DCTN5: variants seen among roughly 807,000 people sequenced by gnomAD.
DCTN5 encodes the protein dynactin subunit 5, also known as dynactin 4.
Under a neutral mutation model 23.5 loss-of-function variants are expected in DCTN5, and 14 were observed. The observed-to-expected ratio is 0.60, with a 90% confidence interval of 0.39 to 0.93. The LOEUF is 0.93. Ranked by LOEUF, DCTN5 falls within the 40% of genes least tolerant of loss-of-function variation. The probability of loss-of-function intolerance (pLI) is 0.00; values close to 1 mark genes in which losing one functional copy is unlikely to be tolerated. For synonymous variants in DCTN5, 67 were observed against 79.6 expected (o/e 0.84, Z 0.84); for missense variants, 156 against 225.9 (o/e 0.69, Z 1.98).
intron 2 of DCTN5, among the ~76,000 whole-genome samples, chr16:23,655,543 A>ATTTTTTTTTTTTTTTTTT (rs763639132): frequency 7.1e-6 from 1 of 141,696 alleles, no homozygotes. Flanking sequence ...GCCCTGCTTA[A>ATTTTTTTTTTTTTTTTTT]TTTTTTTTTT....
intron 3 of DCTN5, among the ~76,000 whole-genome samples, 180 bp from the exon 4 acceptor site, chr16:23,660,990 C>T (rs1967798994): frequency 6.6e-6 from 1 of 152,038 alleles, no homozygotes; most frequent in African/African-American, 2.4e-5. Flanking sequence ...CAATTTTGAA[C>T]TAGTAATCAT....
chr16:23,648,747 A>G (rs750731185), intron 2 of DCTN5, among the ~76,000 whole-genome samples: 6 of 151,994 alleles, frequency 3.9e-5, no homozygotes, highest in Non-Finnish European at 8.8e-5. Flanking sequence ...CCTTTTCTCC[A>G]AATCCTCACT....
intron 2 of DCTN5, 123 bp downstream of exon 2, chr16:23,643,146 G>T: frequency 2.5e-5 from 19 of 764,392 alleles, no homozygotes; most frequent in South Asian, 1.1e-4. Context: ...TAATTCTCTT[G>T]TTTTTAAATT....
intron 4 of DCTN5, among the ~76,000 whole-genome samples, chr16:23,663,439 C>T (rs781194421): frequency 1.6e-4 from 24 of 152,140 alleles, no homozygotes; most frequent in Non-Finnish European, 2.4e-4. Flanking sequence ...TCAGGCCAGG[C>T]GCAGTGGCTC....
Position 23,668,875 on chromosome 16 carries a change from C to T in DCTN5, c.*1731C>T, listed in dbSNP as rs1177312700. Reference sequence around the variant, plus strand: ...CAATGGTTTGTTGTGAGTTCCATGTCCTCTTGGATCAGTCACTGTGGCCAT... The same window carrying T: ...CAATGGTTTGTTGTGAGTTCCATGTTCTCTTGGATCAGTCACTGTGGCCAT... On this transcript the variant is annotated 3_prime_UTR_variant, in exon 6 of 6. Coordinates refer to ENST00000300087, the MANE Select transcript of DCTN5 (RefSeq NM_032486.4). 1.3e-5 allele frequency: 2 copies of T among 152,354 alleles called. No homozygotes were observed. The highest frequency in any genetic ancestry group is 2.9e-5 in the Non-Finnish European group (2 of 68,050). 9.4% of individuals were successfully genotyped at this position (152,354 alleles called of 1,614,324 possible). A position where few individuals can be genotyped will look rare whatever the true frequency, so the allele number is the denominator to read the frequency against.
chr16:23,655,878 A>G (rs1015795147), intron 2 of DCTN5, among the ~76,000 whole-genome samples: 2 of 152,138 alleles, frequency 1.3e-5, no homozygotes, highest in African/African-American at 4.8e-5. Flanking sequence ...CAAATGTCAT[A>G]TTATTTCACC....
At chr16:23,649,217 C>A (rs1967544920) in intron 2 of DCTN5, among the ~76,000 whole-genome samples, 1 of 152,084 alleles carries the variant, frequency 6.6e-6, no homozygotes, top group Non-Finnish European at 1.5e-5. Flanking sequence ...ATTAGTATGT[C>A]TTTTGAGAAA....
rs1967975348 is a variant in DCTN5, at chr16:23,669,837, C to T, written c.*2693C>T. The T allele has an allele frequency of 6.6e-6, 1 of 152,156 alleles. No individual in the cohort carries two copies. Among genetic ancestry groups the T allele is most frequent in the Admixed American group, 6.5e-5 (1 of 15,276 alleles). The allele number at this position is 152,156 out of a possible 1,614,324, so 9.4% of individuals were successfully genotyped here. ...ATATTGCCTAGCCAAAGTGGGTGTT[C>T]AATAAAGAACCATTTGGAGATGGTC... is the stretch of plus-strand genomic sequence containing the variant. On this transcript the variant is annotated 3_prime_UTR_variant, in exon 6 of 6. Coordinates refer to ENST00000300087, the MANE Select transcript of DCTN5 (RefSeq NM_032486.4).
chr16:23,657,757 A>G (rs2140982544), intron 2 of DCTN5, among the ~76,000 whole-genome samples: 1 of 152,308 alleles, frequency 6.6e-6, no homozygotes, highest in African/African-American at 2.4e-5. Flanking sequence ...AAATTTTTTA[A>G]TGAAATAAAA....
Position 23,642,972 on chromosome 16 carries a change from C to T in DCTN5, c.66C>T (p.Val22=). The change falls in exon 2 of 6, where the codon GTC becomes GTT. Residue 22 remains valine, a synonymous_variant. Coordinates refer to ENST00000300087, the MANE Select transcript of DCTN5 (RefSeq NM_032486.4). Reference sequence around the variant, plus strand: ...TCTTTTAGGCATCTGGGAACAAAGTCAGTCGCCAGTCAGTGTTGTGTGGAA... The same window carrying T: ...TCTTTTAGGCATCTGGGAACAAAGTTAGTCGCCAGTCAGTGTTGTGTGGAA... The part of the protein sequence containing the change: ...EYIETASGNK[V]SRQSVLCGSQ... 6.2e-7 allele frequency: 1 copy of T among 1,614,018 alleles called. No homozygotes were observed. Among genetic ancestry groups the T allele is most frequent in the East Asian group, 2.2e-5 (1 of 44,894 alleles).
At chr16:23,647,860 G>T (rs1363187872) in intron 2 of DCTN5, among the ~76,000 whole-genome samples, 4 of 151,994 alleles carry the variant, frequency 2.6e-5, no homozygotes, top group African/African-American at 9.7e-5. Context: ...GTATACAAAA[G>T]AATATATGTG....
chr16:23,660,932 C>T (rs1967797565), intron 3 of DCTN5, among the ~76,000 whole-genome samples: 1 of 152,166 alleles, frequency 6.6e-6, no homozygotes, highest in South Asian at 2.1e-4. Flanking sequence ...GAAGATCTTG[C>T]CCCTCCTGCC....
At chr16:23,666,803 C>CA in intron 5 of DCTN5, 1 of 556,556 alleles carries the variant, frequency 1.8e-6, no homozygotes, top group East Asian at 2.9e-5. Context: ...TCTACCGTGT[C>CA]ATGCATCTCT....
intron 4 of DCTN5, among the ~76,000 whole-genome samples, chr16:23,662,507 A>C (rs775280014): frequency 5.9e-5 from 9 of 152,012 alleles, no homozygotes; most frequent in Non-Finnish European, 1.0e-4. Flanking sequence ...TTAGATTTGT[A>C]CTCCAGACTA....
intron 2 of DCTN5, among the ~76,000 whole-genome samples, chr16:23,643,368 T>C (rs1967352406): frequency 6.6e-6 from 1 of 151,826 alleles, no homozygotes. Flanking sequence ...ATATTTTGTA[T>C]TTTTAGTAGA....
chr16:23,650,216 A>G (rs1051545724), intron 2 of DCTN5, among the ~76,000 whole-genome samples: 1 of 151,970 alleles, frequency 6.6e-6, no homozygotes, highest in Non-Finnish European at 1.5e-5. Flanking sequence ...TCTTTTTTCT[A>G]TTTTTGTGAA....
intron 2 of DCTN5, among the ~76,000 whole-genome samples, chr16:23,655,407 T>C (rs1179258646): frequency 6.6e-6 from 1 of 152,062 alleles, no homozygotes; most frequent in Non-Finnish European, 1.5e-5. Context: ...TGAGACAGAG[T>C]CTTACTCTGT....
chr16:23,673,147 A>T lies in DCTN5; in HGVS notation c.*6003A>T, dbSNP rs774739901. On this transcript the variant is annotated 3_prime_UTR_variant, in exon 6 of 6. Transcript: ENST00000300087. Reference sequence around the variant, plus strand: ...CGTCTCAAAAAAAAAAAAAAAAACCACAACAACAACAACAAAAATTCCATG... The same window carrying T: ...CGTCTCAAAAAAAAAAAAAAAAACCTCAACAACAACAACAAAAATTCCATG... 1.3e-5 allele frequency: 2 copies of T among 150,854 alleles called. No homozygotes were observed. Among genetic ancestry groups the T allele is most frequent in the Middle Eastern group, 3.4e-3 (1 of 290 alleles). 9.3% of individuals were successfully genotyped at this position (150,854 alleles called of 1,614,324 possible).
At chr16:23,665,526 C>T (rs749834966) in intron 4 of DCTN5, 100 bp from the exon 5 acceptor site, 11 of 1,128,256 alleles carry the variant, frequency 9.7e-6, no homozygotes, top group Admixed American at 5.3e-5. Flanking sequence ...CTCTTGTCAC[C>T]GTCCCTGGCT....
Sources: gnomAD v4.1 joint callset for allele counts (sites outside exome capture counted in the v4.1 genomes callset) on GRCh38, gnomAD v4.1.1 for gene constraint, MANE v1.5 for transcripts, NCBI Gene and HGNC (gene_info 2026-07-23, HGNC 2026-07-21) for gene names.